The following MAPK4 variants were observed in gnomAD, a reference collection of about 807,000 sequenced individuals.
The protein encoded by MAPK4 is Erk3-related.
In MAPK4, 22 loss-of-function variants were observed where a neutral mutation model predicts 47.7. The ratio of observed to expected loss-of-function variants is 0.46; its 90% confidence interval spans 0.33 to 0.66. The LOEUF (loss-of-function observed/expected upper bound fraction) is 0.66, where lower values mean the gene tolerates loss of function less well. Ranked by LOEUF, MAPK4 falls within the 30% of genes least tolerant of loss-of-function variation. MAPK4 has a pLI of 0.02. For missense variants in MAPK4, 736 were observed against 831.7 expected (o/e 0.88, Z 1.42); for synonymous variants, 390 against 365.7 (o/e 1.07, Z -0.76).
intron 2 of MAPK4, among the ~76,000 whole-genome samples, chr18:50,690,940 CA>C (rs1909180493): frequency 6.6e-6 from 1 of 151,672 alleles, no homozygotes; most frequent in East Asian, 2.0e-4. Flanking sequence ...TGTGAAGGAA[CA>C]AAAGTCTGTC....
At chr18:50,585,122 G>A (rs760364970) in intron 1 of MAPK4, among the ~76,000 whole-genome samples, 9 of 152,180 alleles carry the variant, frequency 5.9e-5, no homozygotes, top group Non-Finnish European at 8.8e-5. Flanking sequence ...GGATCACTTA[G>A]GATGCTTTAA....
At chr18:50,655,756 G>T (rs1190291027) in intron 1 of MAPK4, among the ~76,000 whole-genome samples, 1 of 152,120 alleles carries the variant, frequency 6.6e-6, no homozygotes, top group Non-Finnish European at 1.5e-5. Context: ...GGCCTGTGTG[G>T]CCTCCTCCCT....
Position 50,587,797 on chromosome 18 carries a change from C to T in MAPK4, c.-871+27554C>T, listed in dbSNP as rs142265266. On this transcript the variant is annotated intron_variant, in intron 1 of 5. Transcript: ENST00000400384. ...AGGCTGTAGTGCAGTGGCGCGATCTCGGCTCATTGCAACTTCTGCCTCCCG... is the reference window on the plus strand; with the variant it reads ...AGGCTGTAGTGCAGTGGCGCGATCTTGGCTCATTGCAACTTCTGCCTCCCG... 4.4e-4 allele frequency among the ~76,000 whole-genome samples: 67 copies of T among 152,288 alleles called. No homozygotes were observed. In the East Asian group the frequency reaches 0.011, roughly 25 times the overall value.
rs1305269217 is a variant in MAPK4, at chr18:50,729,681, G to A, written c.1591G>A (p.Gly531Ser). 7.8e-6 allele frequency: 12 copies of A among 1,530,482 alleles called. No individual in the cohort carries two copies. In the Admixed American group the frequency reaches 1.2e-4, roughly 15 times the overall value. The allele number at this position is 1,530,482 out of a possible 1,614,324, so 94.8% of individuals were successfully genotyped here. A position where few individuals can be genotyped will look rare whatever the true frequency, so the allele number is the denominator to read the frequency against. The change falls in exon 6 of 6, where the codon GGC becomes AGC. Residue 531 changes from glycine to serine, a missense_variant. Physicochemically the swap from Gly to Ser is moderately conservative, Grantham distance 56. Transcript: ENST00000400384. Reference sequence around the variant, plus strand: ...CCCCGGCCGCCCGGCCCCGGTGGACGGCGGCGCCAGCCCCCAGTTCGACCT... The same window carrying A: ...CCCCGGCCGCCCGGCCCCGGTGGACAGCGGCGCCAGCCCCCAGTTCGACCT... ...SPPGRPAPVDGGASPQFDLDV... is the reference protein window; with the variant it reads ...SPPGRPAPVDSGASPQFDLDV...
chr18:50,725,904 C>T (rs1280333791), intron 4 of MAPK4, 58 bp from the exon 5 acceptor site: 1 of 1,365,284 alleles, frequency 7.3e-7, no homozygotes, highest in Non-Finnish European at 1.0e-6. Context: ...TGAGGAATCT[C>T]CTTCTGAGCT....
chr18:50,653,927 T>G (rs145691731), intron 1 of MAPK4, among the ~76,000 whole-genome samples: 1 of 152,306 alleles, frequency 6.6e-6, no homozygotes, highest in Non-Finnish European at 1.5e-5. Flanking sequence ...CCGATGCACA[T>G]GGGCTCCGAC....
chr18:50,619,402 C>T (rs1012520198), intron 1 of MAPK4, among the ~76,000 whole-genome samples: 1 of 152,226 alleles, frequency 6.6e-6, no homozygotes, highest in East Asian at 1.9e-4. Flanking sequence ...TAACCTTGAA[C>T]TCCTGGACCC....
At chr18:50,568,688 C>T (rs557268348) in intron 1 of MAPK4, among the ~76,000 whole-genome samples, 10 of 152,140 alleles carry the variant, frequency 6.6e-5, no homozygotes, top group African/African-American at 2.4e-4. Context: ...ATTTTACTAT[C>T]TTAAATTTCC....
chr18:50,722,689 C>T (rs1237621243), intron 4 of MAPK4, among the ~76,000 whole-genome samples: 11 of 152,076 alleles, frequency 7.2e-5, no homozygotes, highest in Non-Finnish European at 1.2e-4. Context: ...GGAGGCAGGC[C>T]CCAAGACCAC....
chr18:50,649,554 C>T (rs1401090841), intron 1 of MAPK4, among the ~76,000 whole-genome samples: 6 of 152,172 alleles, frequency 3.9e-5, no homozygotes, highest in African/African-American at 1.4e-4. Context: ...CCACCTCTCC[C>T]TGTCCAGCCT....
chr18:50,725,824 A>C, intron 4 of MAPK4, 138 bp from the exon 5 acceptor site: 1 of 739,114 alleles, frequency 1.4e-6, no homozygotes, highest in Non-Finnish European at 2.3e-6. Flanking sequence ...AAGGGTCTTG[A>C]GAAAGAAAAT....
At chr18:50,598,088 C>T (rs978083472) in intron 1 of MAPK4, among the ~76,000 whole-genome samples, 14 of 152,360 alleles carry the variant, frequency 9.2e-5, no homozygotes, top group South Asian at 4.1e-4. Context: ...TGGGCCTTCA[C>T]GGCCCCTCCA....
intron 1 of MAPK4, among the ~76,000 whole-genome samples, chr18:50,640,070 G>A (rs1415676922): frequency 1.3e-5 from 2 of 152,214 alleles, no homozygotes; most frequent in Non-Finnish European, 2.9e-5. Flanking sequence ...CTCAGGAACT[G>A]TGAGCATAGA....
chr18:50,660,965 A>G (rs940121360), intron 1 of MAPK4, among the ~76,000 whole-genome samples: 4 of 152,138 alleles, frequency 2.6e-5, no homozygotes, highest in African/African-American at 9.7e-5. Context: ...AGAGGGAAAG[A>G]GTTTTAAAAA....
At chr18:50,662,445 A>G (rs1907324678) in intron 1 of MAPK4, among the ~76,000 whole-genome samples, 1 of 152,212 alleles carries the variant, frequency 6.6e-6, no homozygotes. Flanking sequence ...TCACCATGCC[A>G]GTTTTGATAT....
chr18:50,716,244 C>G (rs1190631517), intron 3 of MAPK4, among the ~76,000 whole-genome samples: 1 of 152,204 alleles, frequency 6.6e-6, no homozygotes, highest in Non-Finnish European at 1.5e-5. Context: ...CCCACCCAAA[C>G]TGCCGTGTTC....
intron 1 of MAPK4, among the ~76,000 whole-genome samples, chr18:50,615,396 C>T (rs1202713870): frequency 2.0e-5 from 3 of 152,180 alleles, no homozygotes; most frequent in African/African-American, 7.2e-5. Context: ...GACCCAGGCT[C>T]CTTCTATCTT....
At chr18:50,677,100 A>G (rs1908316219) in intron 2 of MAPK4, among the ~76,000 whole-genome samples, 1 of 152,114 alleles carries the variant, frequency 6.6e-6, no homozygotes. Flanking sequence ...GCATACAAGG[A>G]ATCTAGGTTG....
intron 5 of MAPK4, among the ~76,000 whole-genome samples, chr18:50,728,228 G>C (rs1598965545): frequency 6.6e-6 from 1 of 152,230 alleles, no homozygotes; most frequent in South Asian, 2.1e-4. Flanking sequence ...TCTAGGTAGA[G>C]CACCCGCACA....
Sources: allele counts gnomAD v4.1 joint callset (sites outside exome capture counted in the v4.1 genomes callset), GRCh38; gene constraint gnomAD v4.1.1; transcripts MANE v1.5; gene names NCBI Gene and HGNC (gene_info 2026-07-23, HGNC 2026-07-21).